Variants in FRK observed in about 807,000 individuals in gnomAD.
FRK encodes fyn related Src family tyrosine kinase.
In FRK, 51 loss-of-function variants were observed where a neutral mutation model predicts 56.4. The ratio of observed to expected loss-of-function variants is 0.90; its 90% CI spans 0.72 to 1.14. The LOEUF (loss-of-function observed/expected upper bound fraction) is 1.14, where lower values mean the gene tolerates loss of function less well. Ranked by LOEUF, FRK falls within the 50% of genes most tolerant of loss-of-function variation. FRK has a pLI of 0.00. For synonymous variants in FRK, 245 were observed against 217.9 expected, an observed-to-expected ratio of 1.12 and a Z score of -1.10; for missense variants, 570 against 601.4, an observed-to-expected ratio of 0.95 and a Z score of 0.55.
At chr6:116,076,372 G>A in the FRK span, among the ~76,000 whole-genome samples, 2 of 151,958 alleles carry the variant, frequency 1.3e-5, no homozygotes, top group African/African-American at 4.8e-5. Flanking sequence ...TTTTCTATTG[G>A]ACCACACTTC....
At position 115,942,554 on chromosome 6, in the gene FRK, G is replaced by A. The variant is rs1030157839; in HGVS notation, c.1378C>T (p.Gln460Ter). 1 of 1,613,830 alleles carries A rather than the reference G, an allele frequency of 6.2e-7. No individual in the cohort carries two copies. Among genetic ancestry groups the A allele is most frequent in the Non-Finnish European group, 8.5e-7 (1 of 1,179,814 alleles). The change falls in exon 8 of 8, where the codon CAG becomes TAG. Residue 460 changes from glutamine to a stop codon, truncating the protein, a stop_gained. Transcript: ENST00000606080. LOFTEE classifies it high-confidence loss of function. ...TCCAACATGATGTTGTAAAATTGCT[G>A]TGGACAGTTGGATGGTTGCGGAAGT... is the stretch of plus-strand genomic sequence containing the variant. ...YRLPQPSNCP[Q>*]QFYNIMLECW... is the part of the protein sequence containing the mutation.
intron 2 of FRK, among the ~76,000 whole-genome samples, chr6:115,982,581 T>C (rs992115308): frequency 6.6e-6 from 1 of 152,256 alleles, no homozygotes; most frequent in South Asian, 2.1e-4. Flanking sequence ...AGTTACAGCC[T>C]GCACTTTGAA....
At position 115,967,583 on chromosome 6, in the gene FRK, G is replaced by A; in HGVS notation, c.767C>T (p.Thr256Ile). 6.2e-7 allele frequency: 1 copy of A among 1,613,626 alleles called. No homozygotes were observed. Among genetic ancestry groups the A allele is most frequent in the South Asian group, 1.1e-5 (1 of 91,052 alleles). ...GEVWEGLWNN[T>I]TPVAVKTLKP... The stretch of plus-strand genomic sequence containing the variant: ...TAATGTTTTCACTGCTACTGGAGTG[G>A]TATTGTTCCACAGACCTTCCCATAC... The change falls in exon 4 of 8, where the codon ACC (threonine) becomes ATC (isoleucine). Residue 256 changes from threonine (T) to isoleucine (I), a missense_variant. By Grantham distance (89) the Thr-to-Ile change is moderately conservative. Coordinates refer to ENST00000606080, the MANE Select transcript of FRK (RefSeq NM_002031.3).
chr6:116,072,550 C>A, the FRK span, among the ~76,000 whole-genome samples: 1 of 144,364 alleles, frequency 6.9e-6, no homozygotes, highest in Non-Finnish European at 1.5e-5. Context: ...CACACACACA[C>A]ACACACACAC....
At chr6:116,075,950 A>G in the FRK span, among the ~76,000 whole-genome samples, 2 of 145,356 alleles carry the variant, frequency 1.4e-5, no homozygotes, top group Admixed American at 6.9e-5. Flanking sequence ...ATTTTGGCAC[A>G]TATCAACTCT....
chr6:115,974,495 T>C (rs2114619130), intron 2 of FRK, among the ~76,000 whole-genome samples: 1 of 152,258 alleles, frequency 6.6e-6, no homozygotes, highest in African/African-American at 2.4e-5. Context: ...GTATTTTGCT[T>C]AACGGAAAAA....
intron 1 of FRK, among the ~76,000 whole-genome samples, chr6:116,049,045 T>C (rs1049745878): frequency 2.0e-5 from 3 of 152,092 alleles, no homozygotes; most frequent in African/African-American, 7.2e-5. Flanking sequence ...ACCTTTGAAA[T>C]ATAATTTCAC....
the FRK span, among the ~76,000 whole-genome samples, chr6:116,083,344 G>A: frequency 2.0e-4 from 30 of 151,958 alleles, no homozygotes; most frequent in African/African-American, 6.8e-4. Flanking sequence ...GGGGAGCAGA[G>A]AAGCAAGTTT....
intron 2 of FRK, among the ~76,000 whole-genome samples, chr6:115,988,591 T>C (rs1462796604): frequency 6.6e-6 from 1 of 152,022 alleles, no homozygotes; most frequent in Non-Finnish European, 1.5e-5. Context: ...GGCGTGTTAC[T>C]TCTGACATGC....
chr6:115,987,740 C>T (rs915634240), intron 2 of FRK, among the ~76,000 whole-genome samples: 6 of 151,954 alleles, frequency 3.9e-5, no homozygotes, highest in African/African-American at 9.7e-5. Flanking sequence ...CTTACTGGCA[C>T]TTAGTAGGCA....
At chr6:116,075,556 A>G in the FRK span, among the ~76,000 whole-genome samples, 1 of 151,678 alleles carries the variant, frequency 6.6e-6, no homozygotes, top group East Asian at 1.9e-4. Context: ...CAGTCAAAGG[A>G]TCAAAGGCCC....
chr6:116,022,347 AT>A (rs1279516611), intron 1 of FRK, among the ~76,000 whole-genome samples: 1 of 152,072 alleles, frequency 6.6e-6, no homozygotes, highest in African/African-American at 2.4e-5. Context: ...TGATACCAAA[AT>A]CATAGAGAAT....
At chr6:116,021,540 G>A (rs574381096) in intron 1 of FRK, among the ~76,000 whole-genome samples, 40 of 152,142 alleles carry the variant, frequency 2.6e-4, no homozygotes, top group African/African-American at 9.6e-4. Context: ...AGTTTGACTT[G>A]ACAAGCAGAG....
intron 2 of FRK, among the ~76,000 whole-genome samples, chr6:116,003,385 G>A (rs868569189): frequency 2.6e-5 from 4 of 152,116 alleles, no homozygotes; most frequent in East Asian, 1.9e-4. Flanking sequence ...GTGTAAACAC[G>A]TACTTGATCC....
intron 2 of FRK, among the ~76,000 whole-genome samples, chr6:115,995,765 A>G (rs771351928): frequency 4.6e-5 from 7 of 152,182 alleles, no homozygotes; most frequent in Non-Finnish European, 8.8e-5. Context: ...GCAAACACAG[A>G]CACACGTGCA....
At chr6:116,045,052 A>G (rs1217215580) in intron 1 of FRK, among the ~76,000 whole-genome samples, 1 of 152,216 alleles carries the variant, frequency 6.6e-6, no homozygotes, top group Non-Finnish European at 1.5e-5. Context: ...TTCAAGGAGA[A>G]CTACAAACCA....
At chr6:116,040,712 C>T (rs2114787218) in intron 1 of FRK, among the ~76,000 whole-genome samples, 1 of 152,162 alleles carries the variant, frequency 6.6e-6, no homozygotes, top group Admixed American at 6.5e-5. Flanking sequence ...GTGGTATCAA[C>T]ATCTTCTGGG....
At chr6:116,093,972 G>C in the FRK span, among the ~76,000 whole-genome samples, 1 of 152,116 alleles carries the variant, frequency 6.6e-6, no homozygotes, top group Non-Finnish European at 1.5e-5. Flanking sequence ...GGGACCAAAA[G>C]GAACAGGCTG....
chr6:115,960,487 C>T (rs1325967561), intron 4 of FRK, among the ~76,000 whole-genome samples: 2 of 150,182 alleles, frequency 1.3e-5, no homozygotes, highest in Non-Finnish European at 3.0e-5. Flanking sequence ...CGCCATTGCC[C>T]AGGCTTGCTT....
Sources: allele counts gnomAD v4.1 joint callset (sites outside exome capture counted in the v4.1 genomes callset), GRCh38; gene constraint gnomAD v4.1.1; transcripts MANE v1.5; gene names NCBI Gene and HGNC (gene_info 2026-07-23, HGNC 2026-07-21).